The following C9 variants were observed in gnomAD, a reference collection of about 807,000 sequenced individuals.
The protein encoded by C9 is complement component C9.
In C9, 63 loss-of-function variants were observed where a neutral mutation model predicts 65.4. The observed-to-expected ratio is 0.96, with a 90% CI of 0.79 to 1.19. C9 has a LOEUF of 1.19. Among genes scored for constraint, C9 ranks in the 50% most tolerant of loss-of-function variants. The pLI, the probability that C9 is intolerant of heterozygous loss-of-function variation, is 0.00. For missense variants in C9, 744 were observed against 670.1 expected (o/e 1.11, Z -1.22); for synonymous variants, 229 against 227.9 (o/e 1.00, Z -0.04).
At position 39,364,418 on chromosome 5, in the gene C9, AT is replaced by A. The variant is rs1483256607; in HGVS notation, c.46del (p.Ile16Ter). 5.0e-6 allele frequency: 8 copies of A among 1,609,204 alleles called. No individual in the cohort carries two copies. The highest frequency in any genetic ancestry group is 6.8e-6 in the Non-Finnish European group (8 of 1,175,798). On this transcript the variant is annotated frameshift_variant, in exon 1 of 11. Coordinates refer to ENST00000263408, the MANE Select transcript of C9 (RefSeq NM_001737.5). LOFTEE classifies it high-confidence loss of function. Reference protein sequence around the residue: ...SFAVAICILEISILTAQYTTS... With the variant: ...SFAVAICILEXSILTAQYTTS... ...CGTGTACTGTGCTGTGAGGATGCTT[AT>A]TTCTAAAATGCAGATTGCAACTGCA... is the stretch of plus-strand genomic sequence containing the variant.
rs913747629 is a variant in C9, at chr5:39,330,080, C to T, written c.615+1596G>A. ...AAATAAATATTCAAGTCCACAATTC[C>T]TATCTTCTTTCTAATAAGCTTGACA... On this transcript the variant is annotated intron_variant, in intron 5 of 10. Transcript: ENST00000263408. 3.8e-4 allele frequency among the ~76,000 whole-genome samples: 58 copies of T among 152,314 alleles called. 1 individual carries two copies. The highest frequency in any genetic ancestry group is 1.3e-3 in the African/African-American group (55 of 41,552).
chr5:39,304,367 C>T (rs1753337884), intron 9 of C9, among the ~76,000 whole-genome samples: 1 of 152,042 alleles, frequency 6.6e-6, no homozygotes, highest in African/African-American at 2.4e-5. Flanking sequence ...AAGACTATCC[C>T]CTATGTTTGA....
At chr5:39,352,565 A>G (rs976576354) in intron 1 of C9, among the ~76,000 whole-genome samples, 1 of 152,098 alleles carries the variant, frequency 6.6e-6, no homozygotes, top group Non-Finnish European at 1.5e-5. Flanking sequence ...CTGCACTCCA[A>G]TCCTCATCTA....
intron 5 of C9, among the ~76,000 whole-genome samples, chr5:39,319,978 T>C (rs1332139116): frequency 2.0e-5 from 3 of 152,208 alleles, no homozygotes; most frequent in East Asian, 3.9e-4. Flanking sequence ...CCATGCCAGA[T>C]GACTTGCCCA....
At chr5:39,344,801 C>T (rs932434151) in intron 1 of C9, among the ~76,000 whole-genome samples, 2 of 152,132 alleles carry the variant, frequency 1.3e-5, no homozygotes, top group Admixed American at 6.6e-5. Flanking sequence ...AAAGGGAAAC[C>T]CATCAGACTA....
Position 39,294,058 on chromosome 5 carries a change from A to C in C9, c.1417-5107T>G, listed in dbSNP as rs111270503. Reference sequence around the variant, plus strand: ...AAAACTGACGATACACAGAAAAGGCAGTAGTAAGAGGGAAGTTTATAGAAA... The same window carrying C: ...AAAACTGACGATACACAGAAAAGGCCGTAGTAAGAGGGAAGTTTATAGAAA... On this transcript the variant is annotated intron_variant, in intron 9 of 10. Coordinates refer to ENST00000263408, the MANE Select transcript of C9 (RefSeq NM_001737.5). Among the ~76,000 whole-genome samples the C allele has an allele frequency of 3.3e-3, 504 of 152,026 alleles. 1 individual carries two copies. Among genetic ancestry groups the C allele is most frequent in the Non-Finnish European group, 5.0e-3 (338 of 67,882 alleles).
chr5:39,318,231 A>G, intron 5 of C9, among the ~76,000 whole-genome samples: 1 of 152,168 alleles, frequency 6.6e-6, no homozygotes, highest in South Asian at 2.1e-4. Flanking sequence ...GTAGCTTATA[A>G]GCTTAAGAAG....
chr5:39,342,089 AC>A lies in C9; in HGVS notation c.183+1del. 8 of 1,517,858 alleles carry A rather than the reference AC, an allele frequency of 5.3e-6. No individual in the cohort carries two copies. Among genetic ancestry groups the A allele is most frequent in the Non-Finnish European group, 7.3e-6 (8 of 1,092,040 alleles). The allele number at this position is 1,517,858 out of a possible 1,614,324, so 94.0% of individuals were successfully genotyped here. A position where few individuals can be genotyped will look rare whatever the true frequency, so the allele number is the denominator to read the frequency against. ...CAGTGGGGAAGGGAGATGAACACTT[AC>A]CATTTGTCTGAGACAAGGATCGCAT... On this transcript the variant is annotated splice_donor_variant, in intron 2 of 10. Transcript: ENST00000263408. LOFTEE classifies it high-confidence loss of function.
intron 1 of C9, among the ~76,000 whole-genome samples, chr5:39,343,880 C>T (rs7726224): frequency 0.036 from 5,449 of 152,282 alleles, 335 homozygotes; most frequent in African/African-American, 0.12. Flanking sequence ...ATTCACTGTT[C>T]TGCAGCCTCC....
rs551696605 is a variant in C9, at chr5:39,323,532, G to A, written c.616-7503C>T. On this transcript the variant is annotated intron_variant, in intron 5 of 10. Transcript: ENST00000263408. ...GTTTAACATATGCAAATCAATAATT[G>A]TGATACACCACATTAATGGAATGAA... Among the ~76,000 whole-genome samples the A allele has an allele frequency of 2.7e-5, 4 of 150,160 alleles. No homozygotes were observed. The South Asian group carries it at 8.5e-4, about 32-fold the overall frequency.
intron 4 of C9, among the ~76,000 whole-genome samples, chr5:39,339,330 A>C (rs1206475862): frequency 6.6e-6 from 1 of 152,236 alleles, no homozygotes; most frequent in Non-Finnish European, 1.5e-5. Context: ...CATGAAGGGC[A>C]CGTGAAATGC....
At chr5:39,358,113 A>T (rs1001437579) in intron 1 of C9, among the ~76,000 whole-genome samples, 1 of 152,186 alleles carries the variant, frequency 6.6e-6, no homozygotes, top group Non-Finnish European at 1.5e-5. Context: ...CCTATGTGGG[A>T]GGTCCATGAG....
At chr5:39,349,446 A>G (rs1376339808) in intron 1 of C9, among the ~76,000 whole-genome samples, 2 of 152,184 alleles carry the variant, frequency 1.3e-5, no homozygotes, top group African/African-American at 2.4e-5. Flanking sequence ...GCCCTTCACA[A>G]TAACACTTCT....
chr5:39,309,479 C>G (rs1468177342), intron 7 of C9, among the ~76,000 whole-genome samples: 1 of 152,100 alleles, frequency 6.6e-6, no homozygotes. Flanking sequence ...TAGAAATTAT[C>G]AGGTGGCATT....
chr5:39,308,182 C>T (rs919193712), intron 8 of C9, 48 bp downstream of exon 8: 9 of 1,551,412 alleles, frequency 5.8e-6, no homozygotes, highest in Middle Eastern at 1.7e-4. Context: ...TGCTCATTGA[C>T]ATCTACCCTC....
intron 1 of C9, among the ~76,000 whole-genome samples, chr5:39,363,830 GA>G (rs1754566115): frequency 1.3e-5 from 2 of 152,320 alleles, no homozygotes; most frequent in Admixed American, 1.3e-4. Flanking sequence ...AAGCATGAGT[GA>G]CAGGTCTGCA....
At chr5:39,327,126 G>A (rs983093027) in intron 5 of C9, among the ~76,000 whole-genome samples, 1 of 152,144 alleles carries the variant, frequency 6.6e-6, no homozygotes, top group Non-Finnish European at 1.5e-5. Flanking sequence ...AGAAGATGGA[G>A]GATTCAGAGG....
intron 9 of C9, among the ~76,000 whole-genome samples, chr5:39,304,666 C>T (rs779872486): frequency 1.3e-5 from 2 of 152,154 alleles, no homozygotes; most frequent in African/African-American, 2.4e-5. Flanking sequence ...AGTGAACTAA[C>T]TATAGCTACC....
At chr5:39,358,842 G>A (rs1046359813) in intron 1 of C9, among the ~76,000 whole-genome samples, 14 of 151,260 alleles carry the variant, frequency 9.3e-5, no homozygotes, top group South Asian at 2.1e-4. Flanking sequence ...AAAATTAGCC[G>A]GGCGTGGTGG....
Sources: gnomAD v4.1 joint callset for allele counts (sites outside exome capture counted in the v4.1 genomes callset) on GRCh38, gnomAD v4.1.1 for gene constraint, MANE v1.5 for transcripts, NCBI Gene and HGNC (gene_info 2026-07-23, HGNC 2026-07-21) for gene names.